Variants in ADAM2 observed in about 807,000 individuals in gnomAD.
ADAM2 encodes disintegrin and metalloproteinase domain-containing protein 2.
A neutral mutation model predicts 99.3 loss-of-function variants in ADAM2; 101 were observed. The ratio of observed to expected loss-of-function variants is 1.02; its 90% CI spans 0.87 to 1.20. The LOEUF (loss-of-function observed/expected upper bound fraction) is 1.20. Ranked by LOEUF, ADAM2 falls within the 50% of genes most tolerant of loss-of-function variation. ADAM2 has a pLI of 0.00. For synonymous variants in ADAM2, 323 were observed against 287.6 expected, an observed-to-expected ratio of 1.12 and a Z score of -1.25; for missense variants, 948 against 878.7, an observed-to-expected ratio of 1.08 and a Z score of -1.00.
intron 14 of ADAM2, among the ~76,000 whole-genome samples, chr8:39,762,040 C>T (rs113376247): frequency 1.2e-4 from 18 of 152,298 alleles, no homozygotes; most frequent in African/African-American, 3.4e-4. Flanking sequence ...GCCGAGATCG[C>T]GCCATTGCAC....
chr8:39,834,771 T>TTCCACTAA (rs1198254494), intron 2 of ADAM2, among the ~76,000 whole-genome samples: 1 of 150,806 alleles, frequency 6.6e-6, no homozygotes, highest in Non-Finnish European at 1.5e-5. Context: ...TTTAGTCCCT[T>TTCCACTAA]TCCACTAATT....
At chr8:39,814,941 G>A (rs1273945159) in intron 6 of ADAM2, among the ~76,000 whole-genome samples, 1 of 151,752 alleles carries the variant, frequency 6.6e-6, no homozygotes, top group Non-Finnish European at 1.5e-5. Flanking sequence ...ATAAGGAAAA[G>A]TCAGAAAAAG....
intron 3 of ADAM2, among the ~76,000 whole-genome samples, chr8:39,826,500 G>A (rs913846389): frequency 1.3e-5 from 2 of 152,086 alleles, no homozygotes; most frequent in Non-Finnish European, 2.9e-5. Context: ...GAGGCGGGTA[G>A]ATCACGAGGT....
At chr8:39,817,370 T>C (rs973738477) in intron 6 of ADAM2, among the ~76,000 whole-genome samples, 7 of 151,900 alleles carry the variant, frequency 4.6e-5, no homozygotes, top group African/African-American at 1.5e-4. Flanking sequence ...AGGTTGGCTA[T>C]TGGTTACAAA....
intron 7 of ADAM2, among the ~76,000 whole-genome samples, chr8:39,800,279 T>C (rs1804145947): frequency 6.6e-6 from 1 of 152,202 alleles, no homozygotes; most frequent in African/African-American, 2.4e-5. Flanking sequence ...CTTTTTCACT[T>C]ATGATGCTTA....
At chr8:39,822,336 A>T (rs898559087) in intron 4 of ADAM2, among the ~76,000 whole-genome samples, 7 of 152,174 alleles carry the variant, frequency 4.6e-5, no homozygotes, top group African/African-American at 1.4e-4. Flanking sequence ...GAGTATCAGG[A>T]AGTTACATCA....
At chr8:39,751,371 A>G (rs912695832) in intron 16 of ADAM2, among the ~76,000 whole-genome samples, 5 of 152,222 alleles carry the variant, frequency 3.3e-5, no homozygotes, top group Non-Finnish European at 7.3e-5. Flanking sequence ...AATTTTCAGA[A>G]CCATTAAATA....
At chr8:39,765,526 T>C (rs945880693) in intron 14 of ADAM2, among the ~76,000 whole-genome samples, 4 of 152,182 alleles carry the variant, frequency 2.6e-5, no homozygotes, top group Admixed American at 2.6e-4. Flanking sequence ...CTTACGAATA[T>C]TAAATTATGA....
chr8:39,815,734 A>G (rs1016929235), intron 6 of ADAM2, among the ~76,000 whole-genome samples: 2 of 152,176 alleles, frequency 1.3e-5, no homozygotes, highest in African/African-American at 4.8e-5. Context: ...TTAAATGATA[A>G]TAATTTTTAT....
chr8:39,743,977 A>G lies in ADAM2; in HGVS notation c.*118T>C, dbSNP rs1823342940. 1 of 152,152 alleles carries G rather than the reference A, an allele frequency of 6.6e-6. No homozygotes were observed. The highest frequency in any genetic ancestry group is 2.4e-5 in the African/African-American group (1 of 41,454). 9.4% of individuals were successfully genotyped at this position (152,152 alleles called of 1,614,324 possible). ...TGGTCAAATTAAAATCACAATATGC[A>G]GGTTTGAATCCCAGGAAACCAGGTA... On this transcript the variant is annotated 3_prime_UTR_variant, in exon 21 of 21. Transcript: ENST00000265708.
At chr8:39,815,487 G>A (rs532932896) in intron 6 of ADAM2, among the ~76,000 whole-genome samples, 2 of 152,242 alleles carry the variant, frequency 1.3e-5, no homozygotes, top group East Asian at 3.9e-4. Flanking sequence ...AAATGAGATA[G>A]AATAGGAATA....
chr8:39,768,892 C>G (rs1430524381), intron 12 of ADAM2, among the ~76,000 whole-genome samples: 1 of 152,024 alleles, frequency 6.6e-6, no homozygotes, highest in Non-Finnish European at 1.5e-5. Flanking sequence ...TTCTAGAGAT[C>G]AAACATGACT....
At chr8:39,764,887 T>A (rs1802509446) in intron 14 of ADAM2, among the ~76,000 whole-genome samples, 1 of 151,768 alleles carries the variant, frequency 6.6e-6, no homozygotes, top group African/African-American at 2.4e-5. Flanking sequence ...TGGTGGTGTG[T>A]GCATCTAATC....
intron 7 of ADAM2, among the ~76,000 whole-genome samples, chr8:39,791,966 A>G (rs947279267): frequency 2.0e-5 from 3 of 152,058 alleles, no homozygotes; most frequent in African/African-American, 7.2e-5. Flanking sequence ...AGTTGGTGAC[A>G]GAATGGGTTA....
intron 10 of ADAM2, 22 bp downstream of exon 10, chr8:39,786,952 T>C (rs767916238): frequency 2.0e-6 from 3 of 1,515,948 alleles, no homozygotes; most frequent in African/African-American, 1.4e-5. Context: ...TAGCATACTT[T>C]CTATACATAA....
intron 7 of ADAM2, among the ~76,000 whole-genome samples, chr8:39,798,223 A>C (rs1211387914): frequency 6.6e-6 from 1 of 152,172 alleles, no homozygotes; most frequent in Non-Finnish European, 1.5e-5. Context: ...ATCAATACCT[A>C]GTTTATTGAG....
At chr8:39,795,273 A>G (rs1313816604) in intron 7 of ADAM2, among the ~76,000 whole-genome samples, 1 of 152,126 alleles carries the variant, frequency 6.6e-6, no homozygotes, top group Non-Finnish European at 1.5e-5. Flanking sequence ...AATTAATCTG[A>G]AAAACAAGTT....
At chr8:39,761,064 G>A in intron 15 of ADAM2, 112 bp downstream of exon 15, 1 of 536,910 alleles carries the variant, frequency 1.9e-6, no homozygotes. Context: ...AATAAACATG[G>A]TCTTACTTTA....
At chr8:39,746,667 C>A in intron 18 of ADAM2, 36 bp from the exon 19 acceptor site, 1 of 1,504,268 alleles carries the variant, frequency 6.6e-7, no homozygotes, top group Non-Finnish European at 9.0e-7. Flanking sequence ...TGAAAGCAAG[C>A]ACCAGAAATA....
Sources: allele counts gnomAD v4.1 joint callset (sites outside exome capture counted in the v4.1 genomes callset), GRCh38; gene constraint gnomAD v4.1.1; transcripts MANE v1.5; gene names NCBI Gene and HGNC (gene_info 2026-07-23, HGNC 2026-07-21).